BANP: variants seen among roughly 807,000 people sequenced by gnomAD.
The protein encoded by BANP is protein BANP.
Under a neutral mutation model 68.1 loss-of-function variants are expected in BANP, and 11 were observed. The observed-to-expected ratio is 0.16, with a 90% CI of 0.10 to 0.27. The LOEUF is 0.27. Ranked by LOEUF, BANP falls within the 10% of genes least tolerant of loss-of-function variation. The probability of loss-of-function intolerance (pLI) is 1.00; values close to 1 mark genes in which losing one functional copy is unlikely to be tolerated. For missense variants in BANP, 504 were observed against 722.7 expected (o/e 0.70, Z 3.47); for synonymous variants, 329 against 303.2 (o/e 1.09, Z -0.88).
chr16:88,072,027 G>A, intron 12 of BANP, 42 bp from the exon 13 acceptor site: 1 of 1,542,912 alleles, frequency 6.5e-7, no homozygotes, highest in Non-Finnish European at 8.7e-7. Context: ...GTTGTGGGTT[G>A]TGGGCCACGC....
At chr16:88,029,852 TGA>T (rs1489105996) in intron 8 of BANP, among the ~76,000 whole-genome samples, 1 of 152,020 alleles carries the variant, frequency 6.6e-6, no homozygotes, top group Non-Finnish European at 1.5e-5. Context: ...GGGTTGGAGT[TGA>T]GAGAGGCTGA....
At chr16:88,010,304 G>A (rs755029589) in intron 6 of BANP, among the ~76,000 whole-genome samples, 33 of 152,326 alleles carry the variant, frequency 2.2e-4, no homozygotes, top group Admixed American at 5.9e-4. Context: ...CTTACAAAAC[G>A]TGACTGATCC....
At chr16:87,952,344 G>T (rs2057108615) in intron 1 of BANP, 2 of 152,238 alleles carry the variant, frequency 1.3e-5, no homozygotes, top group African/African-American at 4.8e-5. Flanking sequence ...GCGAGTGTGG[G>T]CTTTGAAGGG....
chr16:87,967,403 C>T (rs959103159), intron 1 of BANP, among the ~76,000 whole-genome samples: 3 of 151,526 alleles, frequency 2.0e-5, no homozygotes, highest in Non-Finnish European at 4.4e-5. Flanking sequence ...CCACCACACT[C>T]GGCCGTCAAT....
chr16:88,053,711 T>C (rs1378592668), intron 11 of BANP, among the ~76,000 whole-genome samples: 4 of 134,066 alleles, frequency 3.0e-5, no homozygotes, highest in African/African-American at 9.3e-5. Flanking sequence ...ATCATCATCA[T>C]CACCAACACA....
At chr16:88,075,847 A>C (rs1215696715) in intron 13 of BANP, among the ~76,000 whole-genome samples, 6 of 150,702 alleles carry the variant, frequency 4.0e-5, no homozygotes, top group African/African-American at 7.4e-5. Context: ...CTTGGGTTCA[A>C]GTGATTCTCC....
At chr16:87,968,644 T>C (rs940906294) in intron 1 of BANP, among the ~76,000 whole-genome samples, 3 of 152,204 alleles carry the variant, frequency 2.0e-5, no homozygotes, top group Non-Finnish European at 4.4e-5. Context: ...GACGCAGGTT[T>C]AGTGTCACCA....
intron 5 of BANP, 41 bp from the exon 6 acceptor site, chr16:88,006,048 GC>G: frequency 6.2e-7 from 1 of 1,612,664 alleles, no homozygotes; most frequent in Non-Finnish European, 8.5e-7. Flanking sequence ...GCTGCTTGCG[GC>G]TCTTACCACA....
rs1248262857 is a variant in BANP, at chr16:87,997,325, T to C, written c.363-6970T>C. On this transcript the variant is annotated intron_variant, in intron 4 of 13. Transcript: ENST00000682872. The stretch of plus-strand genomic sequence containing the variant: ...AAAACTCAAACACTGAAAGGGTGAG[T>C]TGTAGCAGTGGTTGAAATAGGATCA... 2.6e-5 allele frequency among the ~76,000 whole-genome samples: 4 copies of C among 152,276 alleles called. No individual in the cohort carries two copies. In the East Asian group the frequency reaches 7.7e-4, roughly 29 times the overall value.
intron 2 of BANP, among the ~76,000 whole-genome samples, chr16:87,977,532 A>G (rs1441642904): frequency 6.6e-6 from 1 of 152,224 alleles, no homozygotes; most frequent in Non-Finnish European, 1.5e-5. Context: ...TTGATGTGTC[A>G]AGCACATTTG....
At position 88,026,814 on chromosome 16, in the gene BANP, G is replaced by A. The variant is rs534069186; in HGVS notation, c.896-669G>A. The stretch of plus-strand genomic sequence containing the variant: ...GAATTCTCCAAACTGTGTTTGCGAG[G>A]GGAACAGTAACAATACACACCTGAA... On this transcript the variant is annotated intron_variant, in intron 7 of 13. Transcript: ENST00000682872. Among the ~76,000 whole-genome samples, 8 of 152,326 alleles carry A rather than the reference G, an allele frequency of 5.3e-5. No individual in the cohort carries two copies. The South Asian group carries it at 1.0e-3, about 20-fold the overall frequency.
intron 11 of BANP, among the ~76,000 whole-genome samples, chr16:88,060,595 G>A (rs1019318060): frequency 1.3e-5 from 2 of 152,244 alleles, no homozygotes; most frequent in African/African-American, 4.8e-5. Context: ...CCAGAGCCAC[G>A]AGAACGGTGC....
At chr16:87,981,892 C>T (rs1221451821) in intron 3 of BANP, among the ~76,000 whole-genome samples, 5 of 152,120 alleles carry the variant, frequency 3.3e-5, no homozygotes, top group Non-Finnish European at 7.3e-5. Context: ...TGGTTGGTTC[C>T]AGTGTTTGCA....
At chr16:88,067,417 C>G (rs940636969) in intron 12 of BANP, among the ~76,000 whole-genome samples, 2 of 152,138 alleles carry the variant, frequency 1.3e-5, no homozygotes, top group African/African-American at 2.4e-5. Flanking sequence ...CGAGCTGGAA[C>G]CAGGCTGTGA....
Position 88,038,136 on chromosome 16 carries a change from C to T in BANP, c.1311+125C>T, listed in dbSNP as rs889954895. The T allele has an allele frequency of 2.3e-4, 53 of 227,384 alleles. 1 individual carries two copies. Among genetic ancestry groups the T allele is most frequent in the South Asian group, 6.6e-4 (15 of 22,808 alleles). 14.1% of individuals were successfully genotyped at this position (227,384 alleles called of 1,614,324 possible). ...CATGTACATGTGGGCATTGCGCTGC[C>T]GAGGGGTGGGGCTCTCACGGGAGGG... On this transcript the variant is annotated intron_variant, in intron 11 of 13. Transcript: ENST00000682872.
chr16:88,042,000 A>G (rs1407350735), intron 11 of BANP, among the ~76,000 whole-genome samples: 4 of 152,114 alleles, frequency 2.6e-5, no homozygotes, highest in Non-Finnish European at 5.9e-5. Flanking sequence ...AGCGTGGGAG[A>G]CGCAGTAGGA....
At chr16:87,959,647 C>T (rs559490589) in intron 1 of BANP, among the ~76,000 whole-genome samples, 2 of 152,342 alleles carry the variant, frequency 1.3e-5, no homozygotes, top group East Asian at 3.9e-4. Flanking sequence ...GGGAGGGACA[C>T]ATGGAGCATT....
chr16:88,070,194 C>T (rs1599118992), intron 12 of BANP, among the ~76,000 whole-genome samples: 1 of 152,150 alleles, frequency 6.6e-6, no homozygotes, highest in Non-Finnish European at 1.5e-5. Context: ...GGCCATTGGT[C>T]AACAGGCTAT....
rs182130401 is a variant in BANP, at chr16:87,977,479, G to T, written c.70+2294G>T. ...CGAGGCCTGCCCCAGTACAAAGCCTGCAGTCTCTGACCCAGGAGAAGGTGT... is the reference window on the plus strand; with the variant it reads ...CGAGGCCTGCCCCAGTACAAAGCCTTCAGTCTCTGACCCAGGAGAAGGTGT... On this transcript the variant is annotated intron_variant, in intron 2 of 13. Transcript: ENST00000682872. Among the ~76,000 whole-genome samples, 989 of 152,148 alleles carry T rather than the reference G, an allele frequency of 6.5e-3. 11 individuals carry two copies. The highest frequency in any genetic ancestry group is 0.022 in the African/African-American group (928 of 41,514).
Sources: allele counts gnomAD v4.1 joint callset (sites outside exome capture counted in the v4.1 genomes callset), GRCh38; gene constraint gnomAD v4.1.1; transcripts MANE v1.5; gene names NCBI Gene and HGNC (gene_info 2026-07-23, HGNC 2026-07-21).